Variants in EIF1AX observed in about 807,000 individuals in gnomAD.
EIF1AX encodes the protein eukaryotic translation initiation factor 1A, X-chromosomal.
In EIF1AX, 1 loss-of-function variant was observed where a neutral mutation model predicts 16.1. The ratio of observed to expected loss-of-function variants is 0.06; its 90% CI spans 0.02 to 0.30. The LOEUF is 0.30. Among genes scored for constraint, EIF1AX ranks in the 10% least tolerant of loss-of-function variants. The pLI is 1.00. For missense variants in EIF1AX, 11 were observed against 109.1 expected, an observed-to-expected ratio of 0.10 and a Z score of 4.00; for synonymous variants, 32 against 37.3, an observed-to-expected ratio of 0.86 and a Z score of 0.51.
intron 2 of EIF1AX, among the ~76,000 whole-genome samples, chrX:20,137,241 G>A (rs1020052061): frequency 1.2e-4 from 13 of 110,856 alleles, no homozygotes; most frequent in Admixed American, 3.8e-4. Context: ...TTAGGAGATC[G>A]AGACCCATCC....
chrX:20,141,154 A>G (rs1274273361), intron 1 of EIF1AX, among the ~76,000 whole-genome samples: 1 of 111,895 alleles, frequency 8.9e-6, no homozygotes, highest in African/African-American at 3.2e-5. Flanking sequence ...GAGTAGCCTC[A>G]ACAATACTGA....
intron 6 of EIF1AX, among the ~76,000 whole-genome samples, chrX:20,128,681 C>T (rs2066992227): frequency 4.5e-5 from 5 of 111,768 alleles, no homozygotes; most frequent in African/African-American, 1.6e-4. Flanking sequence ...TATAAACCAC[C>T]TGGAGAAATG....
chrX:20,141,807 G>A lies in EIF1AX; in HGVS notation c.-167C>T, dbSNP rs1023726301. 5.5e-5 allele frequency: 26 copies of A among 471,037 alleles called. No individual in the cohort carries two copies. The highest frequency in any genetic ancestry group is 5.5e-4 in the South Asian group (12 of 21,792). 38.8% of individuals were successfully genotyped at this position (471,037 alleles called of 1,213,427 possible). A position where few individuals can be genotyped will look rare whatever the true frequency, so the allele number is the denominator to read the frequency against. ...TGGCGACCCAGCTCTTCAGAGATCC[G>A]CCTGCGTCCACGCTCGGCGGCAGCA... On this transcript the variant is annotated 5_prime_UTR_variant, in exon 1 of 7. Transcript: ENST00000379607.
In EIF1AX at chrX:20,125,225, C is replaced by G. The variant is rs1473248754; in HGVS notation, c.*3081G>C. On this transcript the variant is annotated 3_prime_UTR_variant, in exon 7 of 7. Transcript: ENST00000379607. ...CTCCAGTACACTGCCTCACAAGTAC[C>G]TAGCAACTTGCAGGGCTAGGAGGGG... The G allele has an allele frequency of 3.7e-5, 6 of 161,628 alleles. No homozygotes were observed. The East Asian group carries it at 5.5e-4, about 15-fold the overall frequency. The allele number at this position is 161,628 out of a possible 1,213,427, so 13.3% of individuals were successfully genotyped here.
intron 3 of EIF1AX, among the ~76,000 whole-genome samples, chrX:20,135,500 C>G (rs1383171757): frequency 9.0e-6 from 1 of 111,262 alleles, no homozygotes; most frequent in Non-Finnish European, 1.9e-5. Context: ...CAGAATGTCT[C>G]TCAATTTGGA....
chrX:20,139,106 G>A (rs762975530), intron 1 of EIF1AX, among the ~76,000 whole-genome samples: 1 of 111,605 alleles, frequency 9.0e-6, no homozygotes, highest in South Asian at 3.8e-4. Flanking sequence ...AAATCTCACT[G>A]GGTGCAGTGG....
chrX:20,139,423 T>C (rs571864949), intron 1 of EIF1AX, among the ~76,000 whole-genome samples: 1 of 111,860 alleles, frequency 8.9e-6, no homozygotes, highest in African/African-American at 3.3e-5. Context: ...ATGAGTTCCC[T>C]GAAGCTCAGA....
At chrX:20,130,645 G>A (rs754532300) in intron 5 of EIF1AX, 38 bp from the exon 6 acceptor site, 2 of 1,120,221 alleles carry the variant, frequency 1.8e-6, no homozygotes, top group Non-Finnish European at 2.4e-6. Context: ...AGTCAGCACT[G>A]TAATTTACTC....
At position 20,127,679 on chromosome X, in the gene EIF1AX, A is replaced by AT. The variant is rs2066989298; in HGVS notation, c.*626dup. On this transcript the variant is annotated 3_prime_UTR_variant, in exon 7 of 7. Coordinates refer to ENST00000379607, the MANE Select transcript of EIF1AX (RefSeq NM_001412.4). ...TGCAACTACTAAGCTTACAAATTCAATACTGCTATTAAAACCCAGGTTCTG... is the reference window on the plus strand; with the variant it reads ...TGCAACTACTAAGCTTACAAATTCAATTACTGCTATTAAAACCCAGGTTCTG... 1.9e-5 allele frequency: 3 copies of AT among 155,848 alleles called. No individual in the cohort carries two copies. Among genetic ancestry groups the AT allele is most frequent in the Non-Finnish European group, 3.8e-5 (3 of 79,669 alleles). The allele number at this position is 155,848 out of a possible 1,213,427, so 12.8% of individuals were successfully genotyped here.
rs1348918575 is a variant in EIF1AX, at chrX:20,141,648, G to A, written c.-8C>T. ...ACCTTTATTCTTGGGCATGGCGGTG[G>A]CGGCGACCTCGCGGCGTCTCTGACT... On this transcript the variant is annotated 5_prime_UTR_variant, in exon 1 of 7. Coordinates refer to ENST00000379607, the MANE Select transcript of EIF1AX (RefSeq NM_001412.4). 1 of 1,155,883 alleles carries A rather than the reference G, an allele frequency of 8.7e-7. No individual in the cohort carries two copies. Among genetic ancestry groups the A allele is most frequent in the South Asian group, 1.9e-5 (1 of 51,854 alleles).
At chrX:20,136,130 T>C (rs1474664032) in intron 2 of EIF1AX, 4 of 286,412 alleles carry the variant, frequency 1.4e-5, no homozygotes, top group South Asian at 4.2e-5. Context: ...CTTTACATCA[T>C]TGCCCAGAAA....
intron 4 of EIF1AX, among the ~76,000 whole-genome samples, chrX:20,132,955 T>C (rs1245742540): frequency 3.6e-5 from 4 of 112,175 alleles, no homozygotes; most frequent in Non-Finnish European, 7.5e-5. Context: ...CTTCTTAAAA[T>C]GTAAAGTGTA....
Position 20,134,012 on chromosome X carries a change from A to G in EIF1AX, c.205-5T>C, listed in dbSNP as rs2067008325. On this transcript the variant is annotated splice_region_variant and splice_polypyrimidine_tract_variant and intron_variant, in intron 3 of 6. Coordinates refer to ENST00000379607, the MANE Select transcript of EIF1AX (RefSeq NM_001412.4). The stretch of plus-strand genomic sequence containing the variant: ...GTCCGAGGTATTTATCCAAACCTAC[A>G]AAAGAAAAGTCACTGCCCGTCACAT... The G allele has an allele frequency of 8.4e-7, 1 of 1,195,565 alleles. No homozygotes were observed. The highest frequency in any genetic ancestry group is 1.8e-5 in the African/African-American group (1 of 56,753).
chrX:20,131,677 T>C (rs1338927142), intron 5 of EIF1AX, among the ~76,000 whole-genome samples: 1 of 93,895 alleles, frequency 1.1e-5, no homozygotes, highest in Non-Finnish European at 2.1e-5. Flanking sequence ...CCTTGCTTCA[T>C]GGTTTTTTTT....
chrX:20,134,082 A>G, intron 3 of EIF1AX, 75 bp from the exon 4 acceptor site: 1 of 1,066,742 alleles, frequency 9.4e-7, no homozygotes, highest in Non-Finnish European at 1.3e-6. Flanking sequence ...ACAATCAATT[A>G]GTTTAGAAAT....
intron 1 of EIF1AX, among the ~76,000 whole-genome samples, chrX:20,139,246 C>T (rs757229731): frequency 3.6e-5 from 4 of 111,895 alleles, no homozygotes; most frequent in South Asian, 3.7e-4. Flanking sequence ...AAGATCTGTT[C>T]GGTACCCAAT....
At chrX:20,141,329 G>A (rs1317897944) in intron 1 of EIF1AX, among the ~76,000 whole-genome samples, 1 of 111,692 alleles carries the variant, frequency 9.0e-6, no homozygotes, top group African/African-American at 3.3e-5. Context: ...TCCCGCCACC[G>A]TCCCCACCGA....
At chrX:20,137,369 C>G (rs1708015303) in intron 2 of EIF1AX, among the ~76,000 whole-genome samples, 1 of 110,970 alleles carries the variant, frequency 9.0e-6, no homozygotes, top group South Asian at 3.8e-4. Context: ...TGGCGTGAAC[C>G]CGGGAGGTGG....
intron 3 of EIF1AX, 85 bp from the exon 4 acceptor site, chrX:20,134,092 T>A: frequency 9.8e-7 from 1 of 1,021,972 alleles, no homozygotes; most frequent in Non-Finnish European, 1.4e-6. Flanking sequence ...AGTTTAGAAA[T>A]TAAGAGATTT....
Sources: allele counts gnomAD v4.1 joint callset (sites outside exome capture counted in the v4.1 genomes callset), GRCh38; gene constraint gnomAD v4.1.1; transcripts MANE v1.5; gene names NCBI Gene and HGNC (gene_info 2026-07-23, HGNC 2026-07-21).